The following CEP290 variants were observed in gnomAD, a reference collection of about 807,000 sequenced individuals.
CEP290 encodes centrosomal protein 290.
In CEP290, 317 loss-of-function variants were observed where a neutral mutation model predicts 344.9. The observed-to-expected ratio is 0.92, with a 90% CI of 0.84 to 1.01. The LOEUF (loss-of-function observed/expected upper bound fraction) is 1.01. Among genes scored for constraint, CEP290 ranks in the 50% least tolerant of loss-of-function variants. The probability of loss-of-function intolerance (pLI) is 0.00; values close to 1 mark genes in which losing one functional copy is unlikely to be tolerated. For missense variants in CEP290, 2,754 were observed against 2,761.4 expected (o/e 1.00, Z 0.06); for synonymous variants, 932 against 895.8 (o/e 1.04, Z -0.72).
At position 88,111,355 on chromosome 12, in the gene CEP290, G is replaced by A. The variant is rs2137713156; in HGVS notation, c.2218-4C>T. 3.2e-6 allele frequency: 5 copies of A among 1,541,290 alleles called. No individual in the cohort carries two copies. The highest frequency in any genetic ancestry group is 2.1e-5 in the Admixed American group (1 of 47,938). The stretch of plus-strand genomic sequence containing the variant: ...TTTCTTTTTCAAGATGGTCTATCTG[G>A]AAAAAAAAATCCAGCAATGAGAATC... On this transcript the variant is annotated splice_region_variant and splice_polypyrimidine_tract_variant and intron_variant, in intron 21 of 53. Transcript: ENST00000552810.
chr12:88,088,385 A>C (rs2036756106), intron 31 of CEP290, among the ~76,000 whole-genome samples: 1 of 152,196 alleles, frequency 6.6e-6, no homozygotes, highest in Non-Finnish European at 1.5e-5. Context: ...CACTACTTGT[A>C]GATCAAAGAT....
At chr12:88,065,048 A>G (rs917954642) in intron 44 of CEP290, among the ~76,000 whole-genome samples, 1 of 151,984 alleles carries the variant, frequency 6.6e-6, no homozygotes, top group African/African-American at 2.4e-5. Flanking sequence ...TTCTCATTCT[A>G]AACTTTATTT....
At chr12:88,108,580 A>T (rs749750637) in intron 23 of CEP290, among the ~76,000 whole-genome samples, 69 of 152,334 alleles carry the variant, frequency 4.5e-4, no homozygotes, top group Non-Finnish European at 7.9e-4. Flanking sequence ...AGATGACAGA[A>T]ATAAGGAGAA....
At position 88,131,273 on chromosome 12, in the gene CEP290, T is replaced by A. The variant is rs2040055142; in HGVS notation, c.442-55A>T. ...GAAGAAGATAAAATTCAGCAGTAAT[T>A]TTTTTTTTTTTTGAGACAAAGTCTT... On this transcript the variant is annotated intron_variant, in intron 6 of 53. Coordinates refer to ENST00000552810, the MANE Select transcript of CEP290 (RefSeq NM_025114.4). 14 of 304,912 alleles carry A rather than the reference T, an allele frequency of 4.6e-5. No homozygotes were observed. The South Asian group carries it at 6.5e-4, about 14-fold the overall frequency. The allele number at this position is 304,912 out of a possible 1,614,324, so 18.9% of individuals were successfully genotyped here.
intron 18 of CEP290, chr12:88,115,612 T>G: frequency 8.5e-7 from 1 of 1,182,120 alleles, no homozygotes; most frequent in Non-Finnish European, 1.1e-6. Flanking sequence ...AATGAGTTCA[T>G]ATCAATGTAC....
At position 88,049,061 on chromosome 12, in the gene CEP290, T is replaced by C. The variant is rs561964994; in HGVS notation, c.*123A>G. On this transcript the variant is annotated 3_prime_UTR_variant, in exon 54 of 54. Coordinates refer to ENST00000552810, the MANE Select transcript of CEP290 (RefSeq NM_025114.4). ...ATTTTATTTATTAAGAATTCCAATC[T>C]AAGTATAAAGGTACAAGGTAGTGAG... 5.6e-5 allele frequency: 27 copies of C among 480,836 alleles called. No homozygotes were observed. In the East Asian group the frequency reaches 8.6e-4, roughly 15 times the overall value. 29.8% of individuals were successfully genotyped at this position (480,836 alleles called of 1,614,324 possible).
In CEP290 at chr12:88,129,683, G is replaced by A. The variant is rs1408321407; in HGVS notation, c.852+11C>T. ...TCTGAATAAATAAGTTATTCTAAAA[G>A]TAATTCTTACTTGAAGTTGATAATG... is the stretch of plus-strand genomic sequence containing the variant. On this transcript the variant is annotated intron_variant, in intron 10 of 53. Coordinates refer to ENST00000552810, the MANE Select transcript of CEP290 (RefSeq NM_025114.4). The A allele has an allele frequency of 7.5e-7, 1 of 1,338,302 alleles. No homozygotes were observed. The highest frequency in any genetic ancestry group is 1.0e-6 in the Non-Finnish European group (1 of 982,048). The allele number at this position is 1,338,302 out of a possible 1,614,324, so 82.9% of individuals were successfully genotyped here. A position where few individuals can be genotyped will look rare whatever the true frequency, so the allele number is the denominator to read the frequency against.
chr12:88,069,600 T>C (rs996360374), intron 43 of CEP290, among the ~76,000 whole-genome samples: 1 of 152,210 alleles, frequency 6.6e-6, no homozygotes, highest in Non-Finnish European at 1.5e-5. Flanking sequence ...GTGTTTTCCC[T>C]ATCAAGGAAA....
intron 26 of CEP290, among the ~76,000 whole-genome samples, chr12:88,100,067 A>T (rs1174886019): frequency 1.3e-5 from 2 of 151,632 alleles, no homozygotes; most frequent in Non-Finnish European, 2.9e-5. Context: ...ATTACCTGAG[A>T]TCCAAAGTTT....
intron 18 of CEP290, chr12:88,115,771 ATC>A: frequency 1.0e-6 from 1 of 979,248 alleles, no homozygotes; most frequent in Non-Finnish European, 1.2e-6. Context: ...CTCACCTGAG[ATC>A]TAAGAAATAC....
chr12:88,093,983 C>T lies in CEP290; in HGVS notation c.3104-8G>A, dbSNP rs1367753672. ...CCATGCTAGATTCATTACCTACATGCAATAATATTTAAGTCAATCTCATGC... is the reference window on the plus strand; with the variant it reads ...CCATGCTAGATTCATTACCTACATGTAATAATATTTAAGTCAATCTCATGC... On this transcript the variant is annotated splice_region_variant and splice_polypyrimidine_tract_variant and intron_variant, in intron 27 of 53. Coordinates refer to ENST00000552810, the MANE Select transcript of CEP290 (RefSeq NM_025114.4). 6.3e-7 allele frequency: 1 copy of T among 1,580,074 alleles called. No homozygotes were observed. The highest frequency in any genetic ancestry group is 1.4e-5 in the African/African-American group (1 of 73,594).
In CEP290 at chr12:88,062,709, G is replaced by C; in HGVS notation, c.6340C>G (p.Leu2114Val). 6.2e-7 allele frequency: 1 copy of C among 1,604,174 alleles called. No individual in the cohort carries two copies. Among genetic ancestry groups the C allele is most frequent in the Non-Finnish European group, 8.5e-7 (1 of 1,174,634 alleles). The change falls in exon 46 of 54, where the codon CTT becomes GTT. Residue 2114 changes from leucine to valine, a missense_variant. By Grantham distance (32) the Leu-to-Val change is conservative (BLOSUM62 1). Transcript: ENST00000552810. ...KKEKAEVQRK[L>V]GHVRGSGRSG... ...TCACATACCCCTCTAACATGGCCAA[G>C]TTTCCGCTGAACTTCTGCTTTTTCT...
At chr12:88,085,898 C>A in intron 34 of CEP290, 141 bp downstream of exon 34, 1 of 768,204 alleles carries the variant, frequency 1.3e-6, no homozygotes, top group Non-Finnish European at 2.0e-6. Flanking sequence ...CTATTAGAAA[C>A]ATTATAGGAG....
chr12:88,074,257 T>C (rs1316171114), intron 41 of CEP290, among the ~76,000 whole-genome samples: 1 of 152,120 alleles, frequency 6.6e-6, no homozygotes, highest in African/African-American at 2.4e-5. Flanking sequence ...ACTAAGTGGT[T>C]GATAGTTATT....
At position 88,064,016 on chromosome 12, in the gene CEP290, G is replaced by A. The variant is rs753687613; in HGVS notation, c.6235C>T (p.Leu2079Phe). 6.3e-7 allele frequency: 1 copy of A among 1,598,080 alleles called. No individual in the cohort carries two copies. Among genetic ancestry groups the A allele is most frequent in the South Asian group, 1.1e-5 (1 of 87,598 alleles). The change falls in exon 45 of 54, where the codon CTT becomes TTT. Residue 2079 changes from leucine (L) to phenylalanine (F), a missense_variant. Coordinates refer to ENST00000552810, the MANE Select transcript of CEP290 (RefSeq NM_025114.4). ...GGCAAATCTTTATTTGCTTGTTCAA[G>A]CTGAAATTTCAGTTCAATATTTTCA... ...SSENIELKFQLEQANKDLPRL... is the reference protein window; with the variant it reads ...SSENIELKFQFEQANKDLPRL...
chr12:88,129,992 T>A (rs77623866), intron 9 of CEP290, 116 bp from the exon 10 acceptor site: 4 of 710,500 alleles, frequency 5.6e-6, no homozygotes, highest in Non-Finnish European at 4.3e-6. Context: ...GAATTCTTTA[T>A]AGACCTTTAC....
At position 88,049,373 on chromosome 12, in the gene CEP290, A is replaced by G. The variant is rs2136547270; in HGVS notation, c.7251T>C (p.Asp2417=). 2 of 1,555,620 alleles carry G rather than the reference A, an allele frequency of 1.3e-6. No homozygotes were observed. Among genetic ancestry groups the G allele is most frequent in the South Asian group, 2.4e-5 (2 of 84,284 alleles). Residue 2417 remains aspartate, a synonymous_variant, in exon 54 of 54, where the codon GAT becomes GAC. Transcript: ENST00000552810. The stretch of plus-strand genomic sequence containing the variant: ...CTTCAATTTCTTCAAAAAATGAAGG[A>G]TCAAAATTTTCCAGTTCTTTTTTCA... ...KKLKKELENF[D]PSFFEEIEDL... is the part of the protein sequence containing the mutation.
intron 27 of CEP290, among the ~76,000 whole-genome samples, chr12:88,095,648 G>C (rs1201450365): frequency 6.6e-6 from 1 of 152,068 alleles, no homozygotes; most frequent in Non-Finnish European, 1.5e-5. Context: ...AGATTTCCCA[G>C]TGTTAGGCTT....
intron 13 of CEP290, 120 bp from the exon 14 acceptor site, chr12:88,121,286 AT>A: frequency 1.5e-6 from 1 of 673,158 alleles, no homozygotes; most frequent in Non-Finnish European, 2.4e-6. Flanking sequence ...TAAAGTTGTC[AT>A]TTTATATTTG....
Sources: allele counts gnomAD v4.1 joint callset (sites outside exome capture counted in the v4.1 genomes callset), GRCh38; gene constraint gnomAD v4.1.1; transcripts MANE v1.5; gene names NCBI Gene and HGNC (gene_info 2026-07-23, HGNC 2026-07-21).